PTPRD: variants seen among roughly 807,000 people sequenced by gnomAD.
The protein encoded by PTPRD is protein tyrosine phosphatase receptor type D.
In PTPRD, 34 loss-of-function variants were observed where a neutral mutation model predicts 214.5. That is an observed-to-expected ratio of 0.16 (90% CI 0.12 to 0.21). PTPRD has a LOEUF of 0.21. Ranked by LOEUF, PTPRD falls within the 10% of genes least tolerant of loss-of-function variation. The pLI is 1.00. For missense variants in PTPRD, 2,545 were observed against 2,398.7 expected (o/e 1.06, Z -1.27); for synonymous variants, 1,128 against 845.7 (o/e 1.33, Z -5.79).
chr9:9,607,051 C>T (rs2094208281), intron 7 of PTPRD, among the ~76,000 whole-genome samples: 1 of 145,854 alleles, frequency 6.9e-6, no homozygotes, highest in African/African-American at 2.5e-5. Flanking sequence ...AGGAATTCAC[C>T]CTTAAATGGA....
intron 9 of PTPRD, among the ~76,000 whole-genome samples, chr9:9,229,938 T>A (rs2099962023): frequency 6.6e-6 from 1 of 152,176 alleles, no homozygotes; most frequent in African/African-American, 2.4e-5. Context: ...GACTAGATAA[T>A]ACTAGATTCA....
At chr9:9,329,688 A>G (rs924718270) in intron 9 of PTPRD, among the ~76,000 whole-genome samples, 8 of 152,214 alleles carry the variant, frequency 5.3e-5, no homozygotes, top group African/African-American at 1.9e-4. Flanking sequence ...AATTGTTACA[A>G]CAAACTAGAT....
At chr9:8,743,378 T>C (rs990678386) in intron 11 of PTPRD, among the ~76,000 whole-genome samples, 3 of 152,174 alleles carry the variant, frequency 2.0e-5, no homozygotes, top group African/African-American at 7.2e-5. Context: ...CTGATGTCAG[T>C]CAGTGAATAG....
At chr9:8,731,288 T>G (rs2098655854) in intron 12 of PTPRD, among the ~76,000 whole-genome samples, 1 of 152,240 alleles carries the variant, frequency 6.6e-6, no homozygotes, top group Admixed American at 6.5e-5. Context: ...GGTCTTCTTT[T>G]TCAAAGGAGG....
chr9:8,798,164 T>A (rs140568015), intron 11 of PTPRD, among the ~76,000 whole-genome samples: 2 of 152,122 alleles, frequency 1.3e-5, no homozygotes, highest in Admixed American at 6.6e-5. Context: ...CATCTATGGA[T>A]CAAATTTTCT....
At chr9:8,758,328 C>A (rs1435732911) in intron 11 of PTPRD, among the ~76,000 whole-genome samples, 1 of 152,166 alleles carries the variant, frequency 6.6e-6, no homozygotes, top group African/African-American at 2.4e-5. Flanking sequence ...GAAGTTAACT[C>A]ATTACATACA....
chr9:8,827,446 A>T (rs974024921), intron 11 of PTPRD, among the ~76,000 whole-genome samples: 2 of 152,222 alleles, frequency 1.3e-5, no homozygotes, highest in Admixed American at 1.3e-4. Flanking sequence ...ATCTCTACTA[A>T]AAATACAAAA....
intron 14 of PTPRD, among the ~76,000 whole-genome samples, chr9:8,627,802 C>G (rs1015256764): frequency 3.9e-5 from 6 of 151,956 alleles, no homozygotes; most frequent in Admixed American, 3.3e-4. Flanking sequence ...GGGCTTCTGT[C>G]TTTGTGACCA....
intron 9 of PTPRD, among the ~76,000 whole-genome samples, chr9:9,306,848 A>G (rs1957312759): frequency 6.6e-6 from 1 of 152,162 alleles, no homozygotes. Context: ...CGTTAGCAAG[A>G]TTTTCTCAGC....
chr9:9,962,441 T>C (rs1170229868), intron 4 of PTPRD, among the ~76,000 whole-genome samples: 5 of 152,088 alleles, frequency 3.3e-5, no homozygotes, highest in African/African-American at 1.2e-4. Flanking sequence ...AGAATATCTG[T>C]TGAACATATT....
chr9:8,383,501 C>G (rs748906567), intron 37 of PTPRD, among the ~76,000 whole-genome samples: 7 of 152,154 alleles, frequency 4.6e-5, no homozygotes, highest in Non-Finnish European at 8.8e-5. Flanking sequence ...TAAGATAGAA[C>G]TCAAGTCACG....
intron 11 of PTPRD, among the ~76,000 whole-genome samples, chr9:8,997,269 T>G (rs140218349): frequency 2.5e-4 from 38 of 152,286 alleles, no homozygotes; most frequent in African/African-American, 8.7e-4. Flanking sequence ...AAATATTGTG[T>G]CTTTTACAAA....
intron 14 of PTPRD, among the ~76,000 whole-genome samples, chr9:8,564,074 G>A (rs566958900): frequency 1.4e-4 from 21 of 152,274 alleles, no homozygotes; most frequent in South Asian, 1.0e-3. Flanking sequence ...TATGTGGTAC[G>A]ATACTCTCTG....
intron 2 of PTPRD, among the ~76,000 whole-genome samples, chr9:10,575,275 C>G (rs1454823445): frequency 6.6e-6 from 1 of 151,950 alleles, no homozygotes; most frequent in Non-Finnish European, 1.5e-5. Flanking sequence ...ATTAAACAAA[C>G]AATCTTGAAG....
At chr9:8,935,381 A>C (rs1223706119) in intron 11 of PTPRD, among the ~76,000 whole-genome samples, 1 of 150,554 alleles carries the variant, frequency 6.6e-6, no homozygotes, top group Non-Finnish European at 1.5e-5. Flanking sequence ...CAAACAATAC[A>C]ACCTTAAGGA....
intron 11 of PTPRD, among the ~76,000 whole-genome samples, chr9:8,881,661 G>C (rs909875849): frequency 2.0e-5 from 3 of 152,110 alleles, no homozygotes; most frequent in African/African-American, 7.2e-5. Flanking sequence ...TGAGAGGTGG[G>C]GCCATTGGAG....
chr9:9,674,586 G>C (rs1594895451), intron 7 of PTPRD, among the ~76,000 whole-genome samples: 2 of 151,544 alleles, frequency 1.3e-5, no homozygotes, highest in Non-Finnish European at 3.0e-5. Flanking sequence ...TATAAGAAAA[G>C]AGAAAGATTA....
intron 8 of PTPRD, among the ~76,000 whole-genome samples, chr9:9,419,254 A>G (rs1363145918): frequency 1.6e-5 from 1 of 61,494 alleles, no homozygotes; most frequent in African/African-American, 5.7e-5. Context: ...AGACAGTCTC[A>G]TTGTAAGAAA....
intron 3 of PTPRD, among the ~76,000 whole-genome samples, chr9:10,174,055 T>C (rs1369215622): frequency 6.6e-6 from 1 of 152,156 alleles, no homozygotes; most frequent in Admixed American, 6.6e-5. Flanking sequence ...TAATGAGCTT[T>C]TGTTTGGCAT....
Sources: allele counts gnomAD v4.1 joint callset (sites outside exome capture counted in the v4.1 genomes callset), GRCh38; gene constraint gnomAD v4.1.1; transcripts MANE v1.5; gene names NCBI Gene and HGNC (gene_info 2026-07-23, HGNC 2026-07-21).